KIAA1217: variants seen among roughly 807,000 people sequenced by gnomAD.
The protein encoded by KIAA1217 is KIAA1217.
A neutral mutation model predicts 163.9 loss-of-function variants in KIAA1217; 88 were observed. That is an observed-to-expected ratio of 0.54 (90% CI 0.45 to 0.64). KIAA1217 has a LOEUF of 0.64. Among genes scored for constraint, KIAA1217 ranks in the 30% least tolerant of loss-of-function variants. KIAA1217 has a pLI of 0.00. For synonymous variants in KIAA1217, 903 were observed against 923.1 expected (o/e 0.98, Z 0.39); for missense variants, 2,372 against 2,475.0 (o/e 0.96, Z 0.88).
At chr10:24,038,106 A>T (rs952631248) in intron 2 of KIAA1217, among the ~76,000 whole-genome samples, 13 of 152,200 alleles carry the variant, frequency 8.5e-5, no homozygotes, top group Non-Finnish European at 7.4e-5. Context: ...ATGACCAAGC[A>T]AATGTTTCTC....
rs1442806624 is a variant in KIAA1217 at position 24,543,103 on chromosome 10, A to G, written c.3833A>G (p.Asp1278Gly). The change falls in exon 19 of 21, where the codon GAT becomes GGT. Residue 1278 changes from aspartate (D) to glycine (G), a missense_variant. Asp to Gly is a moderately conservative substitution (Grantham distance 94). Coordinates refer to ENST00000376454, the MANE Select transcript of KIAA1217 (RefSeq NM_019590.5). Reference sequence around the variant, plus strand: ...TTCTCTGGCATTAGTCCATTAGAAGATGAAATAAACAAAGGGTCTAAAATC... The same window carrying G: ...TTCTCTGGCATTAGTCCATTAGAAGGTGAAATAAACAAAGGGTCTAAAATC... ...FGFSGISPLE[D>G]EINKGSKISG... The G allele has an allele frequency of 1.9e-6, 3 of 1,613,654 alleles. No homozygotes were observed. Among genetic ancestry groups the G allele is most frequent in the African/African-American group, 1.3e-5 (1 of 74,888 alleles).
intron 5 of KIAA1217, among the ~76,000 whole-genome samples, chr10:24,469,677 T>A (rs990403810): frequency 1.3e-5 from 2 of 152,112 alleles, no homozygotes; most frequent in Non-Finnish European, 2.9e-5. Context: ...AGTGGTATTA[T>A]CTCGGCTCAC....
chr10:24,069,182 C>T (rs950570425), intron 2 of KIAA1217, among the ~76,000 whole-genome samples: 1 of 152,152 alleles, frequency 6.6e-6, no homozygotes, highest in East Asian at 1.9e-4. Flanking sequence ...AAAGGCTGAG[C>T]ATTTGCTGGA....
intron 2 of KIAA1217, among the ~76,000 whole-genome samples, chr10:24,166,971 G>A (rs531054584): frequency 1.1e-3 from 169 of 152,078 alleles, no homozygotes; most frequent in Non-Finnish European, 2.1e-3. Flanking sequence ...CTGATAGCTG[G>A]AGAAGAAAGC....
At chr10:24,415,075 G>T (rs190371002) in intron 3 of KIAA1217, among the ~76,000 whole-genome samples, 1 of 151,560 alleles carries the variant, frequency 6.6e-6, no homozygotes, top group African/African-American at 2.4e-5. Flanking sequence ...TTGGAGGCCC[G>T]GCAGTCTGGA....
At chr10:24,179,357 G>T (rs1402355636) in intron 2 of KIAA1217, among the ~76,000 whole-genome samples, 3 of 152,172 alleles carry the variant, frequency 2.0e-5, no homozygotes. Flanking sequence ...CCCCAGTCCT[G>T]TCTCATGATA....
At chr10:23,879,871 G>T (rs745546940) in intron 1 of KIAA1217, among the ~76,000 whole-genome samples, 13 of 151,910 alleles carry the variant, frequency 8.6e-5, no homozygotes, top group Non-Finnish European at 1.8e-4. Flanking sequence ...AATCCCCTTA[G>T]GTGAGGAAGA....
chr10:23,799,880 G>C (rs1388095051), intron 1 of KIAA1217, among the ~76,000 whole-genome samples: 1 of 152,152 alleles, frequency 6.6e-6, no homozygotes, highest in Non-Finnish European at 1.5e-5. Context: ...AGCAAACAGG[G>C]GAGGGTTCTA....
chr10:24,309,446 T>C (rs1413370452), intron 2 of KIAA1217, among the ~76,000 whole-genome samples: 1 of 152,170 alleles, frequency 6.6e-6, no homozygotes, highest in Admixed American at 6.5e-5. Flanking sequence ...TACGTTTGTA[T>C]ACCAAAGTCT....
chr10:24,099,252 G>T, intron 2 of KIAA1217, among the ~76,000 whole-genome samples: 1 of 149,544 alleles, frequency 6.7e-6, no homozygotes, highest in Non-Finnish European at 1.5e-5. Flanking sequence ...TGTTACATAT[G>T]TATACATATG....
At chr10:24,093,748 C>T (rs1466027180) in intron 2 of KIAA1217, among the ~76,000 whole-genome samples, 3 of 150,396 alleles carry the variant, frequency 2.0e-5, no homozygotes, top group Non-Finnish European at 4.4e-5. Flanking sequence ...GTGCTGCACC[C>T]ATTAACTCGT....
At chr10:24,515,993 C>T (rs1433472632) in intron 10 of KIAA1217, among the ~76,000 whole-genome samples, 1 of 152,212 alleles carries the variant, frequency 6.6e-6, no homozygotes, top group East Asian at 1.9e-4. Flanking sequence ...ATCGTTTGAG[C>T]CCAGGAGTTC....
Position 24,543,938 on chromosome 10 carries a change from C to A in KIAA1217, c.4668C>A (p.Cys1556Ter). The A allele has an allele frequency of 6.2e-7, 1 of 1,614,046 alleles. No individual in the cohort carries two copies. Among genetic ancestry groups the A allele is most frequent in the Non-Finnish European group, 8.5e-7 (1 of 1,180,016 alleles). ...FSHVDSPNSE[C>*]KGEDATDDQF... ...ACGTGGATTCTCCAAATTCGGAATG[C>A]AAGGGTGAGGACGCGACCGATGACC... The change falls in exon 19 of 21, where the codon TGC becomes TGA. Residue 1556 changes from cysteine (C) to a stop codon, truncating the protein, a stop_gained. Transcript: ENST00000376454. LOFTEE classifies it high-confidence loss of function.
intron 8 of KIAA1217, among the ~76,000 whole-genome samples, chr10:24,501,096 A>AAAAAAC (rs57471437): frequency 6.6e-6 from 1 of 151,458 alleles, no homozygotes; most frequent in African/African-American, 2.4e-5. Flanking sequence ...ATAAAAAAAA[A>AAAAAAC]ATAAACAAAA....
intron 1 of KIAA1217, among the ~76,000 whole-genome samples, chr10:23,899,663 G>A (rs1295216994): frequency 6.6e-6 from 1 of 152,048 alleles, no homozygotes; most frequent in Non-Finnish European, 1.5e-5. Flanking sequence ...TCCTGATGCT[G>A]CACAGAATCT....
intron 1 of KIAA1217, among the ~76,000 whole-genome samples, chr10:23,917,191 A>G (rs1056322490): frequency 2.6e-5 from 4 of 152,130 alleles, no homozygotes; most frequent in African/African-American, 9.7e-5. Context: ...TTAAACAAGA[A>G]ATGGTAGAGG....
chr10:24,349,844 A>G, intron 2 of KIAA1217, among the ~76,000 whole-genome samples: 1 of 152,230 alleles, frequency 6.6e-6, no homozygotes, highest in Non-Finnish European at 1.5e-5. Context: ...TTCATGTATA[A>G]TCATGGTCAG....
At chr10:24,376,231 A>G (rs182300767) in intron 2 of KIAA1217, among the ~76,000 whole-genome samples, 3 of 152,334 alleles carry the variant, frequency 2.0e-5, no homozygotes, top group East Asian at 1.9e-4. Context: ...AGCAGGTGCT[A>G]TAGGATAAAT....
intron 9 of KIAA1217, 125 bp downstream of exon 9, chr10:24,501,670 A>T (rs2067605116): frequency 3.0e-6 from 2 of 656,140 alleles, no homozygotes; most frequent in East Asian, 3.5e-5. Context: ...TTCCTCTCTC[A>T]CACACACAAT....
Sources: allele counts gnomAD v4.1 joint callset (sites outside exome capture counted in the v4.1 genomes callset), GRCh38; gene constraint gnomAD v4.1.1; transcripts MANE v1.5; gene names NCBI Gene and HGNC (gene_info 2026-07-23, HGNC 2026-07-21).